Variants in IGSF6 observed in about 807,000 individuals in gnomAD.
IGSF6 encodes the protein down-regulated by activation (immunoglobulin superfamily).
Under a neutral mutation model 24.7 loss-of-function variants are expected in IGSF6, and 23 were observed. That is an observed-to-expected ratio of 0.93 (90% CI 0.67 to 1.32). The LOEUF (loss-of-function observed/expected upper bound fraction) is 1.32. Ranked by LOEUF, IGSF6 falls within the 40% of genes most tolerant of loss-of-function variation. The pLI is 0.00. For missense variants in IGSF6, 295 were observed against 293.6 expected, an observed-to-expected ratio of 1.00 and a Z score of -0.04; for synonymous variants, 110 against 113.7, an observed-to-expected ratio of 0.97 and a Z score of 0.21.
chr16:21,644,859 A>G (rs1262553934), intron 2 of IGSF6, among the ~76,000 whole-genome samples: 1 of 152,238 alleles, frequency 6.6e-6, no homozygotes, highest in Non-Finnish European at 1.5e-5. Flanking sequence ...ATAGCTGAAG[A>G]GTCCCATCTG....
intron 3 of IGSF6, among the ~76,000 whole-genome samples, chr16:21,644,071 A>T (rs889114866): frequency 6.6e-6 from 1 of 152,166 alleles, no homozygotes; most frequent in Non-Finnish European, 1.5e-5. Flanking sequence ...AAGAGAAAAC[A>T]GCAAACTATG....
intron 1 of IGSF6, among the ~76,000 whole-genome samples, chr16:21,651,576 C>T (rs1966576936): frequency 6.6e-6 from 1 of 152,024 alleles, no homozygotes; most frequent in African/African-American, 2.4e-5. Context: ...GCTGGGATTA[C>T]AGGCATGAAC....
chr16:21,644,496 G>A (rs948031468), intron 2 of IGSF6, 100 bp from the exon 3 acceptor site: 23 of 773,496 alleles, frequency 3.0e-5, no homozygotes, highest in African/African-American at 2.1e-4. Context: ...GAGGTGAAAC[G>A]TGAACTTACT....
At position 21,652,540 on chromosome 16, in the gene IGSF6, A is replaced by C; in HGVS notation, c.59T>G (p.Phe20Cys). The C allele has an allele frequency of 6.2e-7, 1 of 1,610,946 alleles. No individual in the cohort carries two copies. The highest frequency in any genetic ancestry group is 1.3e-5 in the African/African-American group (1 of 75,000). Residue 20 changes from phenylalanine to cysteine, a missense_variant, in exon 1 of 6, where the codon TTT becomes TGT. Transcript: ENST00000268389. ...AAGAAAAAGAACCTTACCGACACAA[A>C]ATAGAATGAGATTGGTTTGCAGATG... ...ARHLQTNLIL[F>C]CVGAVGACTL...
chr16:21,647,024 T>G (rs751039961), intron 2 of IGSF6, 109 bp downstream of exon 2: 11 of 1,408,582 alleles, frequency 7.8e-6, no homozygotes, highest in Non-Finnish European at 1.0e-6. Flanking sequence ...CTGGCTAGGG[T>G]ATTAACTTAG....
intron 1 of IGSF6, among the ~76,000 whole-genome samples, chr16:21,651,082 G>C (rs1351302549): frequency 6.6e-6 from 1 of 152,114 alleles, no homozygotes; most frequent in African/African-American, 2.4e-5. Context: ...AATTAGCCGG[G>C]TGTGGTGGCA....
At position 21,647,362 on chromosome 16, in the gene IGSF6, C is replaced by T. The variant is rs756961815; in HGVS notation, c.198G>A (p.Leu66=). 18 of 1,614,164 alleles carry T rather than the reference C, an allele frequency of 1.1e-5. No individual in the cohort carries two copies. Among genetic ancestry groups the T allele is most frequent in the East Asian group, 2.2e-5 (1 of 44,886 alleles). The part of the protein sequence containing the change: ...TGCPSEQPTC[L]WFRYGAHQPE... ...GCTGGTGAGCACCGTAGCGAAACCA[C>T]AGGCATGTTGGTTGCTCAGAAGGGC... Residue 66 remains leucine, a synonymous_variant, in exon 2 of 6, where the codon CTG becomes CTA. Coordinates refer to ENST00000268389, the MANE Select transcript of IGSF6 (RefSeq NM_005849.4).
At chr16:21,650,756 A>G (rs1369290874) in intron 1 of IGSF6, among the ~76,000 whole-genome samples, 1 of 152,120 alleles carries the variant, frequency 6.6e-6, no homozygotes, top group Admixed American at 6.5e-5. Flanking sequence ...TAGGCAACCT[A>G]TTAACAAAAA....
In IGSF6 at chr16:21,641,539, G is replaced by T; in HGVS notation, c.721C>A (p.Pro241Thr). 1 of 1,578,680 alleles carries T rather than the reference G, an allele frequency of 6.3e-7. No individual in the cohort carries two copies. The highest frequency in any genetic ancestry group is 8.7e-7 in the Non-Finnish European group (1 of 1,152,286). ...NRRVLSNYER[P>T] is the part of the protein sequence containing the mutation. Reference sequence around the variant, plus strand: ...CATTGAAAATTAAAACGTTTCTATGGCCTTTCATAGTTGGAAAGTACTCTT... The same window carrying T: ...CATTGAAAATTAAAACGTTTCTATGTCCTTTCATAGTTGGAAAGTACTCTT... The change falls in exon 6 of 6, where the codon CCA (proline) becomes ACA (threonine). Residue 241 changes from proline (P) to threonine (T), a missense_variant. Pro to Thr is a conservative substitution (Grantham distance 38). Transcript: ENST00000268389.
At chr16:21,652,315 T>A in intron 1 of IGSF6, 1 of 445,194 alleles carries the variant, frequency 2.2e-6, no homozygotes, top group South Asian at 4.5e-5. Flanking sequence ...ATTAGCATAA[T>A]AGCAAAGAGA....
chr16:21,647,354 CGAAACCACAGGCATGTT>C lies in IGSF6; in HGVS notation c.189_205del (p.Thr64LeufsTer7), dbSNP rs1567347157. The C allele has an allele frequency of 3.1e-6, 5 of 1,614,118 alleles. No individual in the cohort carries two copies. Among genetic ancestry groups the C allele is most frequent in the Non-Finnish European group, 4.2e-6 (5 of 1,180,028 alleles). The stretch of plus-strand genomic sequence containing the variant: ...GTTCTCAGGCTGGTGAGCACCGTAG[CGAAACCACAGGCATGTT>C]GGTTGCTCAGAAGGGCATCCGGTTG... On this transcript the variant is annotated frameshift_variant, in exon 2 of 6. Coordinates refer to ENST00000268389, the MANE Select transcript of IGSF6 (RefSeq NM_005849.4). LOFTEE classifies it high-confidence loss of function.
At chr16:21,641,652 T>C in intron 5 of IGSF6, 59 bp from the exon 6 acceptor site, 1 of 1,095,458 alleles carries the variant, frequency 9.1e-7, no homozygotes, top group South Asian at 1.4e-5. Context: ...TGAAGCCAAC[T>C]GCCAAGGAAC....
Position 21,647,389 on chromosome 16 carries a change from TC to T in IGSF6, c.170del (p.Gly57AspfsTer36). On this transcript the variant is annotated frameshift_variant, in exon 2 of 6. Transcript: ENST00000268389. LOFTEE classifies it high-confidence loss of function. ...GGCATGTTGGTTGCTCAGAAGGGCATCCGGTTGCGGAGAAGGTACACTTTAT... is the reference window on the plus strand; with the variant it reads ...GGCATGTTGGTTGCTCAGAAGGGCATCGGTTGCGGAGAAGGTACACTTTAT... ...VTIKCTFSAT[G>X]CPSEQPTCLW... 6.2e-7 allele frequency: 1 copy of T among 1,614,100 alleles called. No individual in the cohort carries two copies. Among genetic ancestry groups the T allele is most frequent in the Non-Finnish European group, 8.5e-7 (1 of 1,180,012 alleles).
chr16:21,652,431 A>G (rs750605979), intron 1 of IGSF6, 101 bp downstream of exon 1: 79 of 881,954 alleles, frequency 9.0e-5, no homozygotes, highest in Non-Finnish European at 1.4e-4. Context: ...AATGTTATAC[A>G]TTTAAAAATT....
chr16:21,649,744 G>A (rs1036189545), intron 1 of IGSF6, among the ~76,000 whole-genome samples: 1 of 152,054 alleles, frequency 6.6e-6, no homozygotes, highest in South Asian at 2.1e-4. Flanking sequence ...CCACTGTGTC[G>A]CCCAAACTGG....
At chr16:21,645,928 A>G (rs1966413525) in intron 2 of IGSF6, among the ~76,000 whole-genome samples, 1 of 152,346 alleles carries the variant, frequency 6.6e-6, no homozygotes, top group East Asian at 1.9e-4. Flanking sequence ...TCAAAAGCCC[A>G]TTAGAACCCT....
chr16:21,641,399 A>T lies in IGSF6; in HGVS notation c.*135T>A, dbSNP rs1055740. The T allele has an allele frequency of 8.5e-6, 4 of 468,552 alleles. No homozygotes were observed. The highest frequency in any genetic ancestry group is 9.2e-5 in the South Asian group (2 of 21,686). 29.0% of individuals were successfully genotyped at this position (468,552 alleles called of 1,614,324 possible). A position where few individuals can be genotyped will look rare whatever the true frequency, so the allele number is the denominator to read the frequency against. On this transcript the variant is annotated 3_prime_UTR_variant, in exon 6 of 6. Coordinates refer to ENST00000268389, the MANE Select transcript of IGSF6 (RefSeq NM_005849.4). ...TTAGTTATAGTTTCCTTACATTCTG[A>T]CATCCTTCTTTGTAGCCAGTTGTCT...
At chr16:21,648,477 G>T (rs1348663925) in intron 1 of IGSF6, among the ~76,000 whole-genome samples, 1 of 152,234 alleles carries the variant, frequency 6.6e-6, no homozygotes, top group African/African-American at 2.4e-5. Context: ...CACAGTGTCA[G>T]ATGGCTGTTG....
At chr16:21,642,888 T>C (rs968089164) in intron 5 of IGSF6, among the ~76,000 whole-genome samples, 186 bp downstream of exon 5, 3 of 152,200 alleles carry the variant, frequency 2.0e-5, no homozygotes, top group African/African-American at 4.8e-5. Context: ...CTATTTAATA[T>C]TGTATCAGAT....
Sources: gnomAD v4.1 joint callset for allele counts (sites outside exome capture counted in the v4.1 genomes callset) on GRCh38, gnomAD v4.1.1 for gene constraint, MANE v1.5 for transcripts, NCBI Gene and HGNC (gene_info 2026-07-23, HGNC 2026-07-21) for gene names.